The following CADM1 variants were observed in gnomAD, a reference collection of about 807,000 sequenced individuals.
CADM1 encodes the protein cell adhesion molecule 1, also known as TSLC-1.
CADM1 carries 15 observed loss-of-function variants against 53.1 expected under a neutral mutation model. That is an observed-to-expected ratio of 0.28 (90% CI 0.19 to 0.44). CADM1 has a LOEUF of 0.44. Ranked by LOEUF, CADM1 falls within the 20% of genes least tolerant of loss-of-function variation. The probability of loss-of-function intolerance (pLI) is 1.00; values close to 1 mark genes in which losing one functional copy is unlikely to be tolerated. For missense variants in CADM1, 434 were observed against 611.3 expected (o/e 0.71, Z 3.06); for synonymous variants, 281 against 243.0 (o/e 1.16, Z -1.45).
At chr11:115,300,684 A>G (rs1944197356) in intron 1 of CADM1, among the ~76,000 whole-genome samples, 2 of 152,128 alleles carry the variant, frequency 1.3e-5, no homozygotes, top group African/African-American at 4.8e-5. Context: ...GTCTAGCATC[A>G]TTATAATTAA....
chr11:115,235,401 A>G (rs1321261695), intron 3 of CADM1, among the ~76,000 whole-genome samples: 2 of 152,232 alleles, frequency 1.3e-5, no homozygotes, highest in Non-Finnish European at 2.9e-5. Context: ...ACCAGAGAAT[A>G]TACTTATGCA....
intron 1 of CADM1, among the ~76,000 whole-genome samples, chr11:115,449,002 C>T (rs901650841): frequency 3.3e-5 from 5 of 152,112 alleles, no homozygotes; most frequent in African/African-American, 9.7e-5. Context: ...CTGAAAGTCT[C>T]GCCTAATTAC....
intron 3 of CADM1, among the ~76,000 whole-genome samples, chr11:115,233,884 T>C (rs1941916245): frequency 6.6e-6 from 1 of 152,204 alleles, no homozygotes; most frequent in Non-Finnish European, 1.5e-5. Flanking sequence ...AGAGGGCAAA[T>C]GGCTAAAGCC....
At chr11:115,271,735 T>C (rs1052350534) in intron 1 of CADM1, among the ~76,000 whole-genome samples, 3 of 152,216 alleles carry the variant, frequency 2.0e-5, no homozygotes, top group Admixed American at 6.6e-5. Context: ...ACAAAGAGAC[T>C]AAGGATTTTC....
chr11:115,481,811 T>C (rs1949263238), intron 1 of CADM1, among the ~76,000 whole-genome samples: 1 of 152,304 alleles, frequency 6.6e-6, no homozygotes. Context: ...CCAAGCTGCC[T>C]AGCAACTACC....
chr11:115,188,911 T>C (rs74659888), intron 10 of CADM1, among the ~76,000 whole-genome samples: 4 of 149,082 alleles, frequency 2.7e-5, no homozygotes, highest in Admixed American at 6.7e-5. Flanking sequence ...GTTTTTTTTT[T>C]CCCTTCAGAT....
At chr11:115,196,595 T>TG (rs747386680) in intron 9 of CADM1, among the ~76,000 whole-genome samples, 1 of 76,894 alleles carries the variant, frequency 1.3e-5, no homozygotes, top group African/African-American at 5.1e-5. Context: ...GCTGATGAAC[T>TG]AAAAAAAAAA....
At chr11:115,491,063 C>T (rs577402909) in intron 1 of CADM1, among the ~76,000 whole-genome samples, 41 of 151,556 alleles carry the variant, frequency 2.7e-4, no homozygotes, top group Non-Finnish European at 4.7e-4. Context: ...TGGTTGTGCA[C>T]TTAAAAGTAA....
At position 115,223,831 on chromosome 11, in the gene CADM1, C is replaced by T. The variant is rs140513972; in HGVS notation, c.721+5282G>A. Among the ~76,000 whole-genome samples, 267 of 151,902 alleles carry T rather than the reference C, an allele frequency of 1.8e-3. 1 individual carries two copies. The highest frequency in any genetic ancestry group is 3.3e-3 in the Non-Finnish European group (221 of 67,964). ...AATAGGTTAAAAAATTAGCTTCAAT[C>T]GGGGTTCTTCATTCCTTGATTATTT... On this transcript the variant is annotated intron_variant, in intron 5 of 11. Coordinates refer to ENST00000331581, the MANE Select transcript of CADM1 (RefSeq NM_001301043.2).
intron 1 of CADM1, among the ~76,000 whole-genome samples, chr11:115,457,690 T>TC (rs1013722070): frequency 6.6e-6 from 1 of 151,878 alleles, no homozygotes; most frequent in Admixed American, 6.6e-5. Flanking sequence ...CTTTAAAACC[T>TC]CCCCCCTATA....
At chr11:115,277,133 C>T (rs1265056118) in intron 1 of CADM1, among the ~76,000 whole-genome samples, 2 of 152,170 alleles carry the variant, frequency 1.3e-5, no homozygotes, top group Admixed American at 6.5e-5. Context: ...CAACACAATG[C>T]CCCACCACAA....
Position 115,176,084 on chromosome 11 carries a change from A to G in CADM1, c.*390T>C. 1 of 1,078,092 alleles carries G rather than the reference A, an allele frequency of 9.3e-7. No individual in the cohort carries two copies. The highest frequency in any genetic ancestry group is 1.1e-6 in the Non-Finnish European group (1 of 885,646). 66.8% of individuals were successfully genotyped at this position (1,078,092 alleles called of 1,614,324 possible). A position where few individuals can be genotyped will look rare whatever the true frequency, so the allele number is the denominator to read the frequency against. On this transcript the variant is annotated 3_prime_UTR_variant, in exon 12 of 12. Coordinates refer to ENST00000331581, the MANE Select transcript of CADM1 (RefSeq NM_001301043.2). ...CAGCAGGCAAATTCCAAAATGGGAG[A>G]TTTTGGAAAAAATCCGAAATTGGGG...
rs1946176555 is a variant in CADM1, at chr11:115,366,852, T to TA, written c.125-126433dup. 2.0e-5 allele frequency among the ~76,000 whole-genome samples: 3 copies of TA among 152,066 alleles called. No homozygotes were observed. The South Asian group carries it at 6.2e-4, about 31-fold the overall frequency. On this transcript the variant is annotated intron_variant, in intron 1 of 11. Coordinates refer to ENST00000331581, the MANE Select transcript of CADM1 (RefSeq NM_001301043.2). The stretch of plus-strand genomic sequence containing the variant: ...AAAAGGCCTAAATTACCTTTACCCC[T>TA]AAAGTCATCTTTCTACATTATTTCA...
chr11:115,307,500 T>G (rs1944406161), intron 1 of CADM1, among the ~76,000 whole-genome samples: 1 of 99,130 alleles, frequency 1.0e-5, no homozygotes. Flanking sequence ...TTCAACTATT[T>G]AAGCCAGGAA....
intron 1 of CADM1, among the ~76,000 whole-genome samples, chr11:115,260,498 G>A (rs553787859): frequency 6.6e-6 from 1 of 152,312 alleles, no homozygotes; most frequent in Non-Finnish European, 1.5e-5. Context: ...CTGAATGGCC[G>A]AGGCCTGGCC....
At chr11:115,179,399 T>C (rs1011350231) in intron 10 of CADM1, among the ~76,000 whole-genome samples, 7 of 129,856 alleles carry the variant, frequency 5.4e-5, no homozygotes, top group Admixed American at 3.7e-4. Flanking sequence ...TAATTGTCCA[T>C]TGCCACCAAC....
chr11:115,308,175 G>GTGTGTA lies in CADM1; in HGVS notation c.125-67756_125-67755insTACACA, dbSNP rs1353212174. 2.6e-3 allele frequency among the ~76,000 whole-genome samples: 304 copies of GTGTGTA among 117,420 alleles called. 5 individuals carry two copies. The highest frequency in any genetic ancestry group is 0.011 in the African/African-American group (286 of 26,552). The allele number at this position is 117,420 out of a possible 152,430, so 77.0% of individuals were successfully genotyped here. A position where few individuals can be genotyped will look rare whatever the true frequency, so the allele number is the denominator to read the frequency against. On this transcript the variant is annotated intron_variant, in intron 1 of 11. Transcript: ENST00000331581. ...TGTGTGTGTGTGTGTGTGTGTGTGT[G>GTGTGTA]TATATCACTCATAGGTGTGTATATA... is the stretch of plus-strand genomic sequence containing the variant.
At position 115,355,838 on chromosome 11, in the gene CADM1, T is replaced by A. The variant is rs1945855351; in HGVS notation, c.125-115418A>T. Among the ~76,000 whole-genome samples, 3 of 152,260 alleles carry A rather than the reference T, an allele frequency of 2.0e-5. No homozygotes were observed. In the South Asian group the frequency reaches 6.2e-4, roughly 32 times the overall value. On this transcript the variant is annotated intron_variant, in intron 1 of 11. Coordinates refer to ENST00000331581, the MANE Select transcript of CADM1 (RefSeq NM_001301043.2). ...TGAGGTAGGTTTTGTTTATTTTTGT[T>A]TTTTGTTTTTTGAGACGGAGTCTCG...
intron 1 of CADM1, among the ~76,000 whole-genome samples, chr11:115,465,923 A>G (rs1802185148): frequency 6.6e-6 from 1 of 152,186 alleles, no homozygotes; most frequent in Admixed American, 6.5e-5. Context: ...AAAATGGATA[A>G]CAAGTAATTT....
Sources: gnomAD v4.1 joint callset for allele counts (sites outside exome capture counted in the v4.1 genomes callset) on GRCh38, gnomAD v4.1.1 for gene constraint, MANE v1.5 for transcripts, NCBI Gene and HGNC (gene_info 2026-07-23, HGNC 2026-07-21) for gene names.